KYNU: variants seen among roughly 807,000 people sequenced by gnomAD.
The protein encoded by KYNU is L-kynurenine hydrolase.
In KYNU, 54 loss-of-function variants were observed where a neutral mutation model predicts 59.2. That is an observed-to-expected ratio of 0.91 (90% CI 0.73 to 1.14). KYNU has a LOEUF of 1.14. KYNU is among the 50% of genes most tolerant of loss of function. The pLI is 0.00. For missense variants in KYNU, 567 were observed against 554.4 expected (o/e 1.02, Z -0.23); for synonymous variants, 177 against 192.0 (o/e 0.92, Z 0.65).
intron 10 of KYNU, among the ~76,000 whole-genome samples, chr2:143,001,749 C>T (rs189888043): frequency 4.6e-5 from 7 of 152,300 alleles, no homozygotes; most frequent in Admixed American, 4.6e-4. Flanking sequence ...TTGGATGAGT[C>T]ACTCAACCAC....
chr2:142,986,278 CGG>C (rs1450825692), intron 10 of KYNU, among the ~76,000 whole-genome samples: 11 of 151,682 alleles, frequency 7.3e-5, no homozygotes, highest in Non-Finnish European at 1.2e-4. Context: ...TCATGTAAAG[CGG>C]ATGGTTTAAT....
At chr2:142,970,445 G>A (rs1684686372) in intron 8 of KYNU, among the ~76,000 whole-genome samples, 1 of 152,138 alleles carries the variant, frequency 6.6e-6, no homozygotes, top group Admixed American at 6.6e-5. Context: ...TGTTGACACA[G>A]TAATCAGCAG....
chr2:142,940,540 C>G (rs1402471910), intron 4 of KYNU, among the ~76,000 whole-genome samples: 1 of 152,122 alleles, frequency 6.6e-6, no homozygotes, highest in Non-Finnish European at 1.5e-5. Flanking sequence ...ATAAAGATCA[C>G]TGAAATTTCA....
At chr2:142,950,243 C>CA (rs1449486473) in intron 4 of KYNU, among the ~76,000 whole-genome samples, 1 of 152,224 alleles carries the variant, frequency 6.6e-6, no homozygotes, top group African/African-American at 2.4e-5. Flanking sequence ...ACCATTCCAA[C>CA]CTCTGCATGT....
rs544354576 is a variant in KYNU, at chr2:143,035,474, G to T, written c.1041+2153G>T. On this transcript the variant is annotated intron_variant, in intron 12 of 13. Transcript: ENST00000264170. ...TTTTTGAATTACAAACTAATGCATT[G>T]AATTGCTTCCCTTTCTCTGTTAAAA... 7.9e-5 allele frequency among the ~76,000 whole-genome samples: 12 copies of T among 152,302 alleles called. 1 individual carries two copies. Among genetic ancestry groups the T allele is most frequent in the African/African-American group, 2.6e-4 (11 of 41,564 alleles).
chr2:142,978,512 A>G (rs1175864692), intron 8 of KYNU, among the ~76,000 whole-genome samples: 1 of 152,140 alleles, frequency 6.6e-6, no homozygotes, highest in Non-Finnish European at 1.5e-5. Flanking sequence ...GAAGGTACTG[A>G]TAGTCACCTG....
intron 8 of KYNU, among the ~76,000 whole-genome samples, chr2:142,962,456 A>G (rs1267654797): frequency 6.6e-6 from 1 of 152,224 alleles, no homozygotes; most frequent in Non-Finnish European, 1.5e-5. Context: ...ACTCTTCTCA[A>G]TTAATATGAT....
intron 1 of KYNU, among the ~76,000 whole-genome samples, chr2:142,882,548 C>T (rs1390158997): frequency 6.6e-6 from 1 of 152,140 alleles, no homozygotes; most frequent in African/African-American, 2.4e-5. Context: ...TCTCATTGTT[C>T]AGTTCCCACC....
At position 143,043,065 on chromosome 2, in the gene KYNU, G is replaced by A. The variant is rs1558990455; in HGVS notation, c.*893G>A. On this transcript the variant is annotated 3_prime_UTR_variant, in exon 14 of 14. Transcript: ENST00000264170. ...TATATTGATTTCCTTACCCACTCAT[G>A]GGCCCTAATTCACACTTTTTAAGAA... 6.6e-6 allele frequency: 1 copy of A among 151,836 alleles called. No individual in the cohort carries two copies. Among genetic ancestry groups the A allele is most frequent in the Non-Finnish European group, 1.5e-5 (1 of 67,882 alleles). The allele number at this position is 151,836 out of a possible 1,614,324, so 9.4% of individuals were successfully genotyped here. A position where few individuals can be genotyped will look rare whatever the true frequency, so the allele number is the denominator to read the frequency against.
chr2:142,962,495 T>A (rs973957130), intron 8 of KYNU, among the ~76,000 whole-genome samples: 2 of 152,240 alleles, frequency 1.3e-5, no homozygotes, highest in African/African-American at 4.8e-5. Context: ...GACACTTTCT[T>A]TTGTTTCCCA....
At chr2:142,988,915 G>A (rs1317474001) in intron 10 of KYNU, 7 of 1,591,028 alleles carry the variant, frequency 4.4e-6, no homozygotes, top group Non-Finnish European at 5.2e-6. Flanking sequence ...GTATTTTCCA[G>A]TCATCACTTC....
intron 10 of KYNU, chr2:142,988,780 T>G: frequency 8.8e-7 from 1 of 1,139,030 alleles, no homozygotes; most frequent in Admixed American, 1.7e-5. Context: ...CTCAGTGCTG[T>G]CAACTTCTAG....
At chr2:142,896,620 C>G (rs749068978) in intron 2 of KYNU, among the ~76,000 whole-genome samples, 1 of 152,118 alleles carries the variant, frequency 6.6e-6, no homozygotes, top group Non-Finnish European at 1.5e-5. Flanking sequence ...AATCATAGCT[C>G]ACTGCATCCT....
At chr2:142,968,129 GTAGAACCA>G (rs2105116913) in intron 8 of KYNU, among the ~76,000 whole-genome samples, 1 of 152,198 alleles carries the variant, frequency 6.6e-6, no homozygotes, top group African/African-American at 2.4e-5. Flanking sequence ...TGTTTCTATA[GTAGAACCA>G]TAGAATAGCA....
chr2:142,894,406 A>T (rs1359704479), intron 2 of KYNU, among the ~76,000 whole-genome samples: 1 of 152,222 alleles, frequency 6.6e-6, no homozygotes, highest in Admixed American at 6.5e-5. Flanking sequence ...AACACAAAAA[A>T]ATCTTCACTC....
intron 10 of KYNU, chr2:142,989,547 T>A (rs1489043992): frequency 2.1e-6 from 2 of 947,870 alleles, no homozygotes; most frequent in East Asian, 2.3e-4. Context: ...ACATTTCTTC[T>A]CATGGTCCAC....
chr2:142,890,482 G>T (rs565086252), intron 2 of KYNU, among the ~76,000 whole-genome samples: 1 of 152,116 alleles, frequency 6.6e-6, no homozygotes, highest in East Asian at 1.9e-4. Context: ...GATTGTTTTT[G>T]TTTCTGTTTT....
At chr2:142,958,444 A>G (rs1395150968) in intron 7 of KYNU, among the ~76,000 whole-genome samples, 1 of 152,218 alleles carries the variant, frequency 6.6e-6, no homozygotes, top group African/African-American at 2.4e-5. Flanking sequence ...GTCGAATCAT[A>G]CAGAATAAAT....
chr2:142,966,432 C>T (rs1684538530), intron 8 of KYNU, among the ~76,000 whole-genome samples: 1 of 152,168 alleles, frequency 6.6e-6, no homozygotes, highest in Non-Finnish European at 1.5e-5. Context: ...ACATTTACTT[C>T]CACTTATATT....
Sources: allele counts gnomAD v4.1 joint callset (sites outside exome capture counted in the v4.1 genomes callset), GRCh38; gene constraint gnomAD v4.1.1; transcripts MANE v1.5; gene names NCBI Gene and HGNC (gene_info 2026-07-23, HGNC 2026-07-21).